Variants in PTPRD observed in about 807,000 individuals in gnomAD.
PTPRD encodes receptor-type tyrosine-protein phosphatase delta.
A neutral mutation model predicts 214.5 loss-of-function variants in PTPRD; 34 were observed. The observed-to-expected ratio is 0.16, with a 90% confidence interval of 0.12 to 0.21. The LOEUF is 0.21. Among genes scored for constraint, PTPRD ranks in the 10% least tolerant of loss-of-function variants. The probability of loss-of-function intolerance (pLI) is 1.00; values close to 1 mark genes in which losing one functional copy is unlikely to be tolerated. For missense variants in PTPRD, 2,545 were observed against 2,398.7 expected (o/e 1.06, Z -1.27); for synonymous variants, 1,128 against 845.7 (o/e 1.33, Z -5.79).
At chr9:8,883,859 A>C (rs1198870411) in intron 11 of PTPRD, among the ~76,000 whole-genome samples, 1 of 152,206 alleles carries the variant, frequency 6.6e-6, no homozygotes, top group East Asian at 1.9e-4. Context: ...GAGCCTACCA[A>C]AGGCAGAGCA....
chr9:9,146,531 T>C (rs1175535983), intron 10 of PTPRD, among the ~76,000 whole-genome samples: 2 of 152,286 alleles, frequency 1.3e-5, no homozygotes, highest in Admixed American at 6.5e-5. Context: ...TCGTTTTTCT[T>C]TTTTTGATTA....
chr9:10,556,843 A>T (rs749534998), intron 2 of PTPRD, among the ~76,000 whole-genome samples: 25 of 152,174 alleles, frequency 1.6e-4, no homozygotes, highest in Non-Finnish European at 3.2e-4. Flanking sequence ...AATTTTAAGC[A>T]ACAGATAGTG....
At chr9:10,375,932 T>C (rs1366098925) in intron 2 of PTPRD, among the ~76,000 whole-genome samples, 2 of 152,028 alleles carry the variant, frequency 1.3e-5, no homozygotes, top group African/African-American at 4.8e-5. Flanking sequence ...ATCTGTTGCA[T>C]ATTAACTAGC....
chr9:10,279,206 T>C (rs2094941509), intron 3 of PTPRD, among the ~76,000 whole-genome samples: 1 of 151,364 alleles, frequency 6.6e-6, no homozygotes. Context: ...TTAACAAGTG[T>C]AGTTCAAGGG....
intron 10 of PTPRD, among the ~76,000 whole-genome samples, chr9:9,044,454 C>T (rs1042284488): frequency 1.3e-5 from 2 of 152,222 alleles, no homozygotes; most frequent in African/African-American, 4.8e-5. Context: ...ATATGAGATT[C>T]CTCACTGCCT....
At chr9:10,397,508 C>G (rs1046822154) in intron 2 of PTPRD, among the ~76,000 whole-genome samples, 1 of 151,950 alleles carries the variant, frequency 6.6e-6, no homozygotes, top group Admixed American at 6.6e-5. Context: ...ATAATTGACA[C>G]AGTTTTAAAA....
intron 30 of PTPRD, among the ~76,000 whole-genome samples, chr9:8,473,556 G>A (rs967537698): frequency 6.6e-6 from 1 of 152,182 alleles, no homozygotes; most frequent in Non-Finnish European, 1.5e-5. Context: ...TACACATAAA[G>A]CAATGATACT....
intron 8 of PTPRD, among the ~76,000 whole-genome samples, chr9:9,558,586 C>T (rs568977124): frequency 6.6e-6 from 1 of 152,168 alleles, no homozygotes; most frequent in Non-Finnish European, 1.5e-5. Context: ...AGCAACTGAG[C>T]ACGCAGGCCT....
At chr9:9,310,954 T>C (rs747830071) in intron 9 of PTPRD, among the ~76,000 whole-genome samples, 5 of 151,354 alleles carry the variant, frequency 3.3e-5, no homozygotes, top group Non-Finnish European at 7.4e-5. Context: ...AATAAATAAA[T>C]AAATAAATAA....
chr9:9,178,804 C>T (rs1409897028), intron 10 of PTPRD, among the ~76,000 whole-genome samples: 1 of 152,078 alleles, frequency 6.6e-6, no homozygotes, highest in Non-Finnish European at 1.5e-5. Context: ...AAATGTGACT[C>T]TCTCAAGCAG....
At chr9:10,092,121 T>G (rs1310840076) in intron 3 of PTPRD, among the ~76,000 whole-genome samples, 1 of 151,390 alleles carries the variant, frequency 6.6e-6, no homozygotes, top group Non-Finnish European at 1.5e-5. Context: ...AGGTAAAAAG[T>G]TGACAGTAGA....
intron 8 of PTPRD, among the ~76,000 whole-genome samples, chr9:9,506,846 C>T (rs1182029861): frequency 6.6e-6 from 1 of 151,306 alleles, no homozygotes; most frequent in Admixed American, 6.6e-5. Context: ...AGTCACAGGA[C>T]CTACCAGTCT....
At chr9:9,768,517 G>T (rs2098724578) in intron 5 of PTPRD, among the ~76,000 whole-genome samples, 1 of 151,988 alleles carries the variant, frequency 6.6e-6, no homozygotes. Context: ...CACAAGTATG[G>T]ATGATAAACT....
intron 3 of PTPRD, among the ~76,000 whole-genome samples, chr9:10,050,202 G>A (rs976225542): frequency 6.6e-6 from 1 of 151,932 alleles, no homozygotes; most frequent in Non-Finnish European, 1.5e-5. Context: ...AAGCAATTAT[G>A]TTTCAGGGGC....
chr9:9,361,967 C>T (rs2056327523), intron 9 of PTPRD, among the ~76,000 whole-genome samples: 2 of 150,974 alleles, frequency 1.3e-5, no homozygotes, highest in South Asian at 2.1e-4. Flanking sequence ...CATAATAATT[C>T]ATAAACTCCT....
intron 2 of PTPRD, among the ~76,000 whole-genome samples, chr9:10,476,345 CA>C (rs1445680910): frequency 6.6e-6 from 1 of 152,050 alleles, no homozygotes; most frequent in African/African-American, 2.4e-5. Flanking sequence ...CAATAGTAGA[CA>C]AACAGAAAGC....
At chr9:9,987,887 G>A (rs1012739008) in intron 4 of PTPRD, among the ~76,000 whole-genome samples, 17 of 152,120 alleles carry the variant, frequency 1.1e-4, no homozygotes, top group African/African-American at 3.4e-4. Flanking sequence ...CATTTTTGCA[G>A]AAGGAATGTT....
intron 8 of PTPRD, among the ~76,000 whole-genome samples, chr9:9,414,550 A>G (rs992937363): frequency 2.0e-5 from 3 of 152,210 alleles, no homozygotes; most frequent in Non-Finnish European, 4.4e-5. Context: ...AATCAGCTCT[A>G]TTCAACATGG....
chr9:9,203,028 T>C (rs1297920716), intron 9 of PTPRD, among the ~76,000 whole-genome samples: 1 of 152,098 alleles, frequency 6.6e-6, no homozygotes. Flanking sequence ...TAAACATCTA[T>C]TCCCAGCTGC....
Sources: gnomAD v4.1 joint callset for allele counts (sites outside exome capture counted in the v4.1 genomes callset) on GRCh38, gnomAD v4.1.1 for gene constraint, MANE v1.5 for transcripts, NCBI Gene and HGNC (gene_info 2026-07-23, HGNC 2026-07-21) for gene names.